Variants in HDAC9 observed in about 807,000 individuals in gnomAD.
HDAC9 encodes the protein MEF-2 interacting transcription repressor (MITR) protein.
In HDAC9, 41 loss-of-function variants were observed where a neutral mutation model predicts 139.4. That is an observed-to-expected ratio of 0.29 (90% confidence interval 0.23 to 0.38). The LOEUF (loss-of-function observed/expected upper bound fraction) is 0.38, where lower values mean the gene tolerates loss of function less well. Ranked by LOEUF, HDAC9 falls within the 10% of genes least tolerant of loss-of-function variation. HDAC9 has a pLI of 1.00. For missense variants in HDAC9, 1,147 were observed against 1,297.0 expected (o/e 0.88, Z 1.78); for synonymous variants, 517 against 476.2 (o/e 1.09, Z -1.12).
intron 2 of HDAC9, among the ~76,000 whole-genome samples, chr7:18,260,955 A>C (rs1206198291): frequency 1.3e-5 from 2 of 152,152 alleles, no homozygotes; most frequent in African/African-American, 2.4e-5. Context: ...CCGGCCATAG[A>C]ATAGGTGCCT....
At chr7:18,748,982 C>T (rs1228468562) in intron 13 of HDAC9, 23 bp from the exon 14 acceptor site, 4 of 1,609,762 alleles carry the variant, frequency 2.5e-6, no homozygotes, top group Non-Finnish European at 3.4e-6. Context: ...TCAATCTTGT[C>T]CTGTATTTCC....
intron 22 of HDAC9, among the ~76,000 whole-genome samples, chr7:18,877,842 T>A (rs1799436096): frequency 6.6e-6 from 1 of 152,192 alleles, no homozygotes; most frequent in South Asian, 2.1e-4. Flanking sequence ...CTCCTTTCTT[T>A]ATATATTAAG....
At chr7:18,959,110 C>G (rs1783353965) in intron 24 of HDAC9, among the ~76,000 whole-genome samples, 1 of 152,134 alleles carries the variant, frequency 6.6e-6, no homozygotes, top group South Asian at 2.1e-4. Context: ...GTTCACTTTT[C>G]TGCATGGCAT....
chr7:18,603,422 T>A (rs1428273279), intron 6 of HDAC9, among the ~76,000 whole-genome samples: 1 of 152,094 alleles, frequency 6.6e-6, no homozygotes, highest in Non-Finnish European at 1.5e-5. Context: ...TATAATTCAG[T>A]GCTCTCTACT....
intron 6 of HDAC9, among the ~76,000 whole-genome samples, chr7:18,604,010 A>G (rs1562538044): frequency 2.0e-5 from 3 of 152,052 alleles, no homozygotes. Context: ...CTCTATAGAT[A>G]AAGTTTTTCT....
chr7:18,787,182 T>G (rs1445930479), intron 16 of HDAC9, among the ~76,000 whole-genome samples: 2 of 152,112 alleles, frequency 1.3e-5, no homozygotes, highest in African/African-American at 4.8e-5. Context: ...TGAGAGATTC[T>G]GTACTACTTC....
chr7:18,440,189 C>CT (rs527897900), intron 1 of HDAC9, among the ~76,000 whole-genome samples: 1,960 of 130,016 alleles, frequency 0.015, 41 homozygotes, highest in African/African-American at 0.044. Context: ...TTTTTTTTTT[C>CT]TTTTTTTTTT....
chr7:18,348,387 C>T (rs1012735835), intron 1 of HDAC9, among the ~76,000 whole-genome samples: 5 of 151,940 alleles, frequency 3.3e-5, no homozygotes, highest in African/African-American at 1.2e-4. Context: ...TGTCTTTTAC[C>T]CTTTCTGAAT....
intron 1 of HDAC9, among the ~76,000 whole-genome samples, chr7:18,384,482 A>G (rs981087235): frequency 6.6e-5 from 10 of 152,218 alleles, no homozygotes; most frequent in African/African-American, 2.4e-4. Context: ...TGTCAAAATT[A>G]TGAAGGGAAA....
At chr7:18,824,301 A>G (rs937967394) in intron 17 of HDAC9, among the ~76,000 whole-genome samples, 1 of 152,192 alleles carries the variant, frequency 6.6e-6, no homozygotes, top group East Asian at 1.9e-4. Flanking sequence ...AAGCCACCTA[A>G]CCTATGGCAA....
chr7:18,435,697 T>C (rs1791131234), intron 1 of HDAC9, among the ~76,000 whole-genome samples: 1 of 151,416 alleles, frequency 6.6e-6, no homozygotes. Flanking sequence ...ATCAACTTAT[T>C]GTGAAATATT....
At chr7:18,374,360 G>C (rs1469010594) in intron 1 of HDAC9, among the ~76,000 whole-genome samples, 2 of 151,916 alleles carry the variant, frequency 1.3e-5, no homozygotes, top group Admixed American at 1.3e-4. Flanking sequence ...TAAATACATG[G>C]TTAGGTGATT....
chr7:18,948,165 C>G (rs186395207), intron 23 of HDAC9, among the ~76,000 whole-genome samples: 1 of 151,592 alleles, frequency 6.6e-6, no homozygotes, highest in Non-Finnish European at 1.5e-5. Context: ...GAAAACAAGA[C>G]GAAGATACTC....
chr7:18,103,085 G>A (rs1007440507), intron 1 of HDAC9, among the ~76,000 whole-genome samples: 1 of 152,144 alleles, frequency 6.6e-6, no homozygotes, highest in African/African-American at 2.4e-5. Flanking sequence ...GAAGGCAAAG[G>A]AGCAAAGGCA....
rs376902826 is a variant in HDAC9 at position 18,255,291 on chromosome 7, A to G, written c.25+92942A>G. Among the ~76,000 whole-genome samples, 6 of 152,332 alleles carry G rather than the reference A, an allele frequency of 3.9e-5. No homozygotes were observed. The East Asian group carries it at 9.6e-4, about 24-fold the overall frequency. ...TATTTTGGAATTGGTCAGGAGACAG[A>G]TAAGTGGTATAAATATGGCAGAGTG... On this transcript the variant is annotated intron_variant, in intron 2 of 12. Coordinates refer to the HDAC9 transcript ENST00000417496.
At chr7:18,274,712 T>G (rs1796606314) in intron 2 of HDAC9, among the ~76,000 whole-genome samples, 1 of 152,210 alleles carries the variant, frequency 6.6e-6, no homozygotes, top group African/African-American at 2.4e-5. Context: ...GGGATTGACA[T>G]ATTGTCATGG....
chr7:18,956,849 T>A (rs1237142290), intron 24 of HDAC9, among the ~76,000 whole-genome samples: 4 of 152,130 alleles, frequency 2.6e-5, no homozygotes, highest in Non-Finnish European at 5.9e-5. Flanking sequence ...TTCATGGGCA[T>A]TCAGCCTGCA....
intron 12 of HDAC9, among the ~76,000 whole-genome samples, chr7:18,700,216 TC>T (rs1309647619): frequency 6.6e-6 from 1 of 152,206 alleles, no homozygotes; most frequent in Admixed American, 6.5e-5. Flanking sequence ...ACTTCAACAA[TC>T]ATATGTTTGT....
chr7:18,572,424 A>G (rs1824614369), intron 2 of HDAC9, among the ~76,000 whole-genome samples: 1 of 151,014 alleles, frequency 6.6e-6, no homozygotes, highest in African/African-American at 2.5e-5. Flanking sequence ...TATTTGAGGC[A>G]GAGGATTTCC....
Sources: gnomAD v4.1 joint callset for allele counts (sites outside exome capture counted in the v4.1 genomes callset) on GRCh38, gnomAD v4.1.1 for gene constraint, MANE v1.5 for transcripts, NCBI Gene and HGNC (gene_info 2026-07-23, HGNC 2026-07-21) for gene names.